The following NKAIN2 variants were observed in gnomAD, a reference collection of about 807,000 sequenced individuals.
NKAIN2 encodes sodium/potassium transporting ATPase interacting 2.
Under a neutral mutation model 32.6 loss-of-function variants are expected in NKAIN2, and 14 were observed. The ratio of observed to expected loss-of-function variants is 0.43; its 90% CI spans 0.28 to 0.67. The LOEUF (loss-of-function observed/expected upper bound fraction) is 0.67, where lower values mean the gene tolerates loss of function less well. NKAIN2 is among the 30% of genes least tolerant of loss of function. NKAIN2 has a pLI of 0.17. For synonymous variants in NKAIN2, 80 were observed against 87.2 expected, an observed-to-expected ratio of 0.92 and a Z score of 0.46; for missense variants, 198 against 258.3, an observed-to-expected ratio of 0.77 and a Z score of 1.60.
At chr6:124,235,791 G>A (rs1257293293) in intron 1 of NKAIN2, among the ~76,000 whole-genome samples, 2 of 151,840 alleles carry the variant, frequency 1.3e-5, no homozygotes, top group African/African-American at 4.8e-5. Flanking sequence ...TAGAGACAGG[G>A]TTTCACCATG....
At chr6:124,290,934 T>C (rs1335564652) in intron 2 of NKAIN2, among the ~76,000 whole-genome samples, 2 of 152,138 alleles carry the variant, frequency 1.3e-5, no homozygotes, top group Non-Finnish European at 2.9e-5. Flanking sequence ...TTTACTCCGA[T>C]GTCAACTGTT....
chr6:124,266,379 C>G (rs907919988), intron 1 of NKAIN2, among the ~76,000 whole-genome samples: 5 of 152,120 alleles, frequency 3.3e-5, no homozygotes, highest in African/African-American at 1.2e-4. Context: ...TTGAGCTCAA[C>G]TGATCCTCCC....
At chr6:123,809,907 ACTC>A (rs1412231847) in intron 1 of NKAIN2, among the ~76,000 whole-genome samples, 2 of 151,810 alleles carry the variant, frequency 1.3e-5, no homozygotes, top group Non-Finnish European at 2.9e-5. Context: ...CCCTGTAAAA[ACTC>A]CTTGAAATGC....
chr6:124,640,214 C>CA (rs1783932837), intron 3 of NKAIN2, among the ~76,000 whole-genome samples: 1 of 152,086 alleles, frequency 6.6e-6, no homozygotes. Context: ...GTTTCCTATT[C>CA]AGGGACAATA....
At chr6:124,023,005 G>C (rs1456067257) in intron 1 of NKAIN2, among the ~76,000 whole-genome samples, 1 of 151,220 alleles carries the variant, frequency 6.6e-6, no homozygotes, top group Non-Finnish European at 1.5e-5. Flanking sequence ...AAACTTTTCG[G>C]TTAAAGATTA....
At chr6:124,068,313 C>T (rs1215464891) in intron 1 of NKAIN2, among the ~76,000 whole-genome samples, 6 of 152,020 alleles carry the variant, frequency 3.9e-5, no homozygotes, top group African/African-American at 1.4e-4. Context: ...TTTTTGGTGT[C>T]ATTGAGATCA....
chr6:124,787,596 C>A (rs1048067516), intron 4 of NKAIN2, among the ~76,000 whole-genome samples: 2 of 152,110 alleles, frequency 1.3e-5, no homozygotes, highest in Non-Finnish European at 2.9e-5. Flanking sequence ...AAGCTACCAA[C>A]AGCTTTCTAC....
chr6:124,105,712 G>A (rs1214335943), intron 1 of NKAIN2, among the ~76,000 whole-genome samples: 3 of 152,144 alleles, frequency 2.0e-5, no homozygotes, highest in African/African-American at 4.8e-5. Flanking sequence ...ATTACATCAA[G>A]CATTATTTAA....
rs138661030 is a variant in NKAIN2, at chr6:124,693,535, C to A, written c.474+35149C>A. Among the ~76,000 whole-genome samples the A allele has an allele frequency of 4.6e-5, 7 of 152,142 alleles. No individual in the cohort carries two copies. In the East Asian group the frequency reaches 1.4e-3, roughly 29 times the overall value. ...AAGGTGATGTGGTAGGTAGTGTTAT[C>A]GAAAAAAGCCCAGATAATAGGGTGA... is the stretch of plus-strand genomic sequence containing the variant. On this transcript the variant is annotated intron_variant, in intron 4 of 6. Transcript: ENST00000368417.
intron 1 of NKAIN2, among the ~76,000 whole-genome samples, chr6:123,814,866 G>A (rs1218754164): frequency 1.3e-5 from 2 of 152,150 alleles, no homozygotes; most frequent in Non-Finnish European, 2.9e-5. Context: ...GTTGGGAGCC[G>A]AAGACCCTGG....
Position 124,497,361 on chromosome 6 carries a change from C to T in NKAIN2, c.273+142014C>T, listed in dbSNP as rs56690650. 6.6e-3 allele frequency among the ~76,000 whole-genome samples: 1,006 copies of T among 152,142 alleles called. 13 individuals are homozygous for T. Among genetic ancestry groups the T allele is most frequent in the African/African-American group, 0.023 (949 of 41,502 alleles). On this transcript the variant is annotated intron_variant, in intron 3 of 6. Transcript: ENST00000368417. ...CATCATATTTAATTTTTTTCTTAAA[C>T]TGTGTTATTACCTCCTAGGCACTTT...
chr6:124,017,127 G>A (rs1022463935), intron 1 of NKAIN2, among the ~76,000 whole-genome samples: 4 of 152,178 alleles, frequency 2.6e-5, no homozygotes, highest in African/African-American at 4.8e-5. Context: ...AGAAGCAAAA[G>A]CCTGTCTTAA....
chr6:124,513,693 T>C (rs970501969), intron 3 of NKAIN2, among the ~76,000 whole-genome samples: 3 of 152,138 alleles, frequency 2.0e-5, no homozygotes, highest in Admixed American at 2.0e-4. Context: ...AGTGGAAATA[T>C]GTAATAGTAA....
At chr6:124,120,603 G>T (rs1014944496) in intron 1 of NKAIN2, among the ~76,000 whole-genome samples, 10 of 152,088 alleles carry the variant, frequency 6.6e-5, no homozygotes, top group African/African-American at 2.4e-4. Context: ...CTTACTCTTA[G>T]CTGCTGGATT....
intron 1 of NKAIN2, among the ~76,000 whole-genome samples, chr6:124,241,580 A>G (rs1434108252): frequency 1.3e-5 from 2 of 152,198 alleles, no homozygotes; most frequent in Non-Finnish European, 2.9e-5. Flanking sequence ...GGCCTCAGAA[A>G]TAATGCCACA....
At chr6:123,835,780 CTTA>C (rs1393377995) in intron 1 of NKAIN2, among the ~76,000 whole-genome samples, 1 of 152,084 alleles carries the variant, frequency 6.6e-6, no homozygotes, top group Non-Finnish European at 1.5e-5. Flanking sequence ...GAAATGTTAC[CTTA>C]TTATAATTTT....
At chr6:124,544,617 GC>G (rs980537865) in intron 3 of NKAIN2, among the ~76,000 whole-genome samples, 2 of 151,926 alleles carry the variant, frequency 1.3e-5, no homozygotes, top group African/African-American at 4.8e-5. Context: ...TAAACTAGGG[GC>G]AAGGAATGTT....
chr6:124,234,732 T>C (rs1290234879), intron 1 of NKAIN2, among the ~76,000 whole-genome samples: 1 of 152,172 alleles, frequency 6.6e-6, no homozygotes, highest in Non-Finnish European at 1.5e-5. Context: ...TCTGGCCATG[T>C]AGGATTTACT....
At chr6:124,117,902 GAA>G (rs201260771) in intron 1 of NKAIN2, among the ~76,000 whole-genome samples, 2 of 129,768 alleles carry the variant, frequency 1.5e-5, no homozygotes, top group African/African-American at 2.9e-5. Context: ...AGTTAAAGCA[GAA>G]AAAAAAAAAA....
Sources: allele counts gnomAD v4.1 joint callset (sites outside exome capture counted in the v4.1 genomes callset), GRCh38; gene constraint gnomAD v4.1.1; transcripts MANE v1.5; gene names NCBI Gene and HGNC (gene_info 2026-07-23, HGNC 2026-07-21).